The following PAG1 variants were observed in gnomAD, a reference collection of about 807,000 sequenced individuals.
PAG1 encodes phosphoprotein membrane anchor with glycosphingolipid microdomains 1, also known as phosphoprotein associated with glycosphingolipid-enriched microdomains 1.
In PAG1, 23 loss-of-function variants were observed where a neutral mutation model predicts 31.7. That is an observed-to-expected ratio of 0.73 (90% CI 0.52 to 1.03). The LOEUF (loss-of-function observed/expected upper bound fraction) is 1.03. Among genes scored for constraint, PAG1 ranks in the 50% least tolerant of loss-of-function variants. The pLI is 0.00. For missense variants in PAG1, 473 were observed against 540.7 expected (o/e 0.87, Z 1.24); for synonymous variants, 214 against 210.3 (o/e 1.02, Z -0.15).
intron 7 of PAG1, among the ~76,000 whole-genome samples, chr8:80,981,354 A>C (rs931542997): frequency 4.6e-5 from 7 of 152,028 alleles, no homozygotes; most frequent in African/African-American, 1.7e-4. Context: ...ACTAAGCTTA[A>C]GCTCCATAGT....
chr8:81,111,900 C>T lies in PAG1; in HGVS notation c.-543G>A, dbSNP rs1809781675. 1 of 152,230 alleles carries T rather than the reference C, an allele frequency of 6.6e-6. No individual in the cohort carries two copies. The highest frequency in any genetic ancestry group is 2.4e-5 in the African/African-American group (1 of 41,450). The allele number at this position is 152,230 out of a possible 1,614,324, so 9.4% of individuals were successfully genotyped here. ...GAGCCCCTGGTGGGTGTCTCTGGCT[C>T]CAAGGGAATCACGGCTCAATTAGGG... On this transcript the variant is annotated 5_prime_UTR_variant, in exon 1 of 9. Transcript: ENST00000220597.
At chr8:81,058,099 G>C (rs1226995918) in intron 2 of PAG1, among the ~76,000 whole-genome samples, 1 of 152,054 alleles carries the variant, frequency 6.6e-6, no homozygotes. Context: ...GCTGGACATT[G>C]GTGCATATAT....
chr8:81,094,068 G>T (rs1469467092), intron 1 of PAG1, among the ~76,000 whole-genome samples: 6 of 152,224 alleles, frequency 3.9e-5, no homozygotes. Context: ...GCTCACTGCG[G>T]TTCTCCCCAG....
At chr8:81,019,449 G>T (rs1808125378) in intron 3 of PAG1, among the ~76,000 whole-genome samples, 1 of 152,234 alleles carries the variant, frequency 6.6e-6, no homozygotes, top group Admixed American at 6.5e-5. Context: ...CCCCTGTTCT[G>T]TGCAGCCCCG....
intron 2 of PAG1, among the ~76,000 whole-genome samples, chr8:81,042,814 A>C (rs1808577219): frequency 6.6e-6 from 1 of 152,100 alleles, no homozygotes; most frequent in South Asian, 2.1e-4. Flanking sequence ...TAATTTGTGG[A>C]TCACTAGGGA....
At chr8:81,007,681 G>A (rs28654132) in intron 3 of PAG1, among the ~76,000 whole-genome samples, 96 of 144,686 alleles carry the variant, frequency 6.6e-4, no homozygotes, top group Admixed American at 2.0e-3. Flanking sequence ...AATAAAACAC[G>A]GGAGCTTGAA....
At chr8:81,007,495 GGT>G (rs1238465201) in intron 3 of PAG1, among the ~76,000 whole-genome samples, 1 of 150,880 alleles carries the variant, frequency 6.6e-6, no homozygotes, top group African/African-American at 2.4e-5. Context: ...ATAGTAGACG[GGT>G]GTGGTGGCGG....
At chr8:80,989,837 T>C (rs1162216477) in intron 5 of PAG1, among the ~76,000 whole-genome samples, 1 of 152,178 alleles carries the variant, frequency 6.6e-6, no homozygotes, top group East Asian at 1.9e-4. Flanking sequence ...AGCTCCCAGG[T>C]GCTGCTGCTG....
chr8:81,014,763 C>T (rs1808044060), intron 3 of PAG1, among the ~76,000 whole-genome samples: 1 of 152,156 alleles, frequency 6.6e-6, no homozygotes, highest in African/African-American at 2.4e-5. Flanking sequence ...ATCAGAGCCA[C>T]AGTTCTTAAT....
At chr8:81,024,319 G>A (rs1377384271) in intron 3 of PAG1, among the ~76,000 whole-genome samples, 1 of 152,120 alleles carries the variant, frequency 6.6e-6, no homozygotes, top group Non-Finnish European at 1.5e-5. Flanking sequence ...GGAAGGAGAA[G>A]GGTGCACCCA....
chr8:81,050,685 T>C (rs1808713867), intron 2 of PAG1, among the ~76,000 whole-genome samples: 1 of 151,942 alleles, frequency 6.6e-6, no homozygotes, highest in Middle Eastern at 3.4e-3. Flanking sequence ...TCCTTCCAGA[T>C]AGGAAAACAG....
intron 1 of PAG1, among the ~76,000 whole-genome samples, chr8:81,070,959 G>C (rs575681051): frequency 6.6e-6 from 1 of 152,166 alleles, no homozygotes; most frequent in Non-Finnish European, 1.5e-5. Context: ...CTGATAACGA[G>C]ACTGAATTTT....
intron 2 of PAG1, among the ~76,000 whole-genome samples, chr8:81,031,904 T>C (rs191356847): frequency 1.3e-5 from 2 of 152,366 alleles, no homozygotes. Flanking sequence ...CATATATTTA[T>C]ATTCCTTCAA....
chr8:81,101,533 A>T (rs1193241894), intron 1 of PAG1, among the ~76,000 whole-genome samples: 1 of 152,214 alleles, frequency 6.6e-6, no homozygotes, highest in Non-Finnish European at 1.5e-5. Context: ...TGTTCGTATA[A>T]GAGAAAACTA....
At chr8:81,002,324 C>T (rs891280349) in intron 3 of PAG1, among the ~76,000 whole-genome samples, 10 of 152,134 alleles carry the variant, frequency 6.6e-5, no homozygotes, top group Non-Finnish European at 1.0e-4. Flanking sequence ...ATTTCCTACT[C>T]GTGGCTCATG....
intron 2 of PAG1, among the ~76,000 whole-genome samples, chr8:81,054,231 C>T (rs2130890200): frequency 6.6e-6 from 1 of 152,060 alleles, no homozygotes; most frequent in Non-Finnish European, 1.5e-5. Flanking sequence ...AGGATATATC[C>T]CATATACAAG....
rs149138540 is a variant in PAG1, at chr8:80,983,785, T to C, written c.876+991A>G. Among the ~76,000 whole-genome samples, 187 of 152,336 alleles carry C rather than the reference T, an allele frequency of 1.2e-3. 1 individual carries two copies. Among genetic ancestry groups the C allele is most frequent in the African/African-American group, 4.3e-3 (180 of 41,574 alleles). On this transcript the variant is annotated intron_variant, in intron 7 of 8. Transcript: ENST00000220597. ...ATCAGGTTTATGGTCTTTGGTTCTA[T>C]GAAGGGCAAAAAATTGGACTGCATT...
chr8:80,982,152 C>G (rs978775197), intron 7 of PAG1, among the ~76,000 whole-genome samples: 9 of 152,164 alleles, frequency 5.9e-5, no homozygotes, highest in Non-Finnish European at 8.8e-5. Flanking sequence ...AGGCATGAGT[C>G]ACTGCGCCCA....
chr8:80,978,147 A>G (rs527664109), intron 8 of PAG1, among the ~76,000 whole-genome samples: 3 of 152,288 alleles, frequency 2.0e-5, no homozygotes, highest in African/African-American at 7.2e-5. Context: ...TTTTCATTAC[A>G]GGCTGGTGGC....
Sources: allele counts gnomAD v4.1 joint callset (sites outside exome capture counted in the v4.1 genomes callset), GRCh38; gene constraint gnomAD v4.1.1; transcripts MANE v1.5; gene names NCBI Gene and HGNC (gene_info 2026-07-23, HGNC 2026-07-21).